The following TMEM132D variants were observed in gnomAD, a reference collection of about 807,000 sequenced individuals.
TMEM132D encodes mature OL transmembrane protein.
In TMEM132D, 21 loss-of-function variants were observed where a neutral mutation model predicts 62.3. The observed-to-expected ratio is 0.34, with a 90% confidence interval of 0.24 to 0.49. The LOEUF is 0.49. Among genes scored for constraint, TMEM132D ranks in the 20% least tolerant of loss-of-function variants. The pLI is 0.99. For synonymous variants in TMEM132D, 621 were observed against 575.6 expected, an observed-to-expected ratio of 1.08 and a Z score of -1.13; for missense variants, 1,346 against 1,402.8, an observed-to-expected ratio of 0.96 and a Z score of 0.65.
chr12:129,871,066 C>A (rs1317521746), intron 1 of TMEM132D, among the ~76,000 whole-genome samples: 1 of 152,022 alleles, frequency 6.6e-6, no homozygotes, highest in African/African-American at 2.4e-5. Context: ...TGAAATGTGC[C>A]CATTTCCCTT....
chr12:129,725,529 G>C (rs1268247322), intron 1 of TMEM132D, among the ~76,000 whole-genome samples: 1 of 152,212 alleles, frequency 6.6e-6, no homozygotes, highest in Non-Finnish European at 1.5e-5. Context: ...TAAGTGCTAG[G>C]TGTTGGGAAT....
chr12:129,347,955 ACCT>A (rs1022538044), intron 3 of TMEM132D, among the ~76,000 whole-genome samples: 2 of 152,200 alleles, frequency 1.3e-5, no homozygotes, highest in African/African-American at 4.8e-5. Context: ...CATGAAAAAA[ACCT>A]CATCATCACT....
At chr12:129,347,953 A>G (rs544305593) in intron 3 of TMEM132D, among the ~76,000 whole-genome samples, 1 of 152,358 alleles carries the variant, frequency 6.6e-6, no homozygotes, top group African/African-American at 2.4e-5. Flanking sequence ...AACATGAAAA[A>G]AACCTCATCA....
At chr12:129,084,105 T>A (rs1043389678) in intron 6 of TMEM132D, among the ~76,000 whole-genome samples, 3 of 152,102 alleles carry the variant, frequency 2.0e-5, no homozygotes, top group African/African-American at 7.2e-5. Flanking sequence ...TCGTTCAGCC[T>A]TGGTGCACCT....
chr12:129,566,832 C>T (rs1877380504), intron 2 of TMEM132D, among the ~76,000 whole-genome samples: 1 of 152,148 alleles, frequency 6.6e-6, no homozygotes, highest in African/African-American at 2.4e-5. Context: ...TTTCCACAAC[C>T]CCTTATCTTA....
At chr12:129,659,919 T>C (rs1880192798) in intron 2 of TMEM132D, among the ~76,000 whole-genome samples, 1 of 152,204 alleles carries the variant, frequency 6.6e-6, no homozygotes, top group African/African-American at 2.4e-5. Context: ...CTGAGAGTTA[T>C]GGGTAAAGTG....
At chr12:129,341,283 A>ATTC (rs1224529587) in intron 3 of TMEM132D, among the ~76,000 whole-genome samples, 1 of 152,260 alleles carries the variant, frequency 6.6e-6, no homozygotes, top group Non-Finnish European at 1.5e-5. Flanking sequence ...AATTCCTGAT[A>ATTC]TTCATCAGAA....
At chr12:129,535,898 C>T (rs975354082) in intron 2 of TMEM132D, among the ~76,000 whole-genome samples, 1 of 151,402 alleles carries the variant, frequency 6.6e-6, no homozygotes, top group African/African-American at 2.4e-5. Context: ...AGTTCAAAGC[C>T]CAAGAAGAGA....
At chr12:129,340,739 G>A (rs894770508) in intron 3 of TMEM132D, among the ~76,000 whole-genome samples, 1 of 152,068 alleles carries the variant, frequency 6.6e-6, no homozygotes, top group Admixed American at 6.6e-5. Flanking sequence ...CCATTACTGG[G>A]TATATACCCA....
At chr12:129,509,405 A>T (rs991076571) in intron 3 of TMEM132D, among the ~76,000 whole-genome samples, 1 of 152,178 alleles carries the variant, frequency 6.6e-6, no homozygotes, top group Non-Finnish European at 1.5e-5. Context: ...TGACACAGAC[A>T]TGCAATATGT....
intron 1 of TMEM132D, among the ~76,000 whole-genome samples, chr12:129,813,484 C>T (rs1008828097): frequency 6.6e-6 from 1 of 151,328 alleles, no homozygotes; most frequent in Non-Finnish European, 1.5e-5. Context: ...TTGGTGGGAA[C>T]GTAAAGTAGT....
chr12:129,540,447 T>A (rs1876553537), intron 2 of TMEM132D, among the ~76,000 whole-genome samples: 1 of 152,070 alleles, frequency 6.6e-6, no homozygotes, highest in African/African-American at 2.4e-5. Context: ...TCAATCTGCC[T>A]CTGGGTGTGT....
intron 2 of TMEM132D, among the ~76,000 whole-genome samples, chr12:129,681,177 C>A (rs1010429816): frequency 2.0e-5 from 3 of 152,206 alleles, no homozygotes; most frequent in African/African-American, 7.2e-5. Context: ...CATCTGTCTT[C>A]TTGCAAGTGG....
intron 3 of TMEM132D, among the ~76,000 whole-genome samples, chr12:129,370,507 G>T (rs1003871819): frequency 6.6e-6 from 1 of 152,132 alleles, no homozygotes; most frequent in African/African-American, 2.4e-5. Flanking sequence ...GTTCATTTAT[G>T]AATGGCCTCC....
chr12:129,777,774 C>T (rs1406919219), intron 1 of TMEM132D, among the ~76,000 whole-genome samples: 11 of 152,054 alleles, frequency 7.2e-5, no homozygotes, highest in Admixed American at 6.5e-4. Context: ...GAGCACCTCA[C>T]ATATAAAACA....
intron 3 of TMEM132D, among the ~76,000 whole-genome samples, chr12:129,478,711 C>T (rs886608454): frequency 3.3e-5 from 5 of 152,208 alleles, no homozygotes; most frequent in East Asian, 1.9e-4. Context: ...CATCCTTTTC[C>T]GCTCTTTAGA....
chr12:129,607,757 G>C (rs1027998368), intron 2 of TMEM132D, among the ~76,000 whole-genome samples: 3 of 152,166 alleles, frequency 2.0e-5, no homozygotes, highest in Admixed American at 6.5e-5. Flanking sequence ...ATTTTTAAAT[G>C]CCTTTTTCTG....
intron 4 of TMEM132D, among the ~76,000 whole-genome samples, chr12:129,300,429 A>G (rs1285748248): frequency 6.6e-6 from 1 of 152,204 alleles, no homozygotes; most frequent in African/African-American, 2.4e-5. Flanking sequence ...GCACCCACCT[A>G]ACTTAGGAGT....
At chr12:129,752,580 G>A (rs1870035172) in intron 1 of TMEM132D, among the ~76,000 whole-genome samples, 1 of 152,222 alleles carries the variant, frequency 6.6e-6, no homozygotes, top group South Asian at 2.1e-4. Flanking sequence ...GATAATCTAT[G>A]CTTCGATTAG....
Sources: gnomAD v4.1 joint callset for allele counts (sites outside exome capture counted in the v4.1 genomes callset) on GRCh38, gnomAD v4.1.1 for gene constraint, MANE v1.5 for transcripts, NCBI Gene and HGNC (gene_info 2026-07-23, HGNC 2026-07-21) for gene names.